TMOD1: variants seen among roughly 807,000 people sequenced by gnomAD.
TMOD1 encodes tropomodulin-1.
TMOD1 carries 17 observed loss-of-function variants against 40.6 expected under a neutral mutation model. The ratio of observed to expected loss-of-function variants is 0.42; its 90% CI spans 0.29 to 0.63. The LOEUF is 0.63. Among genes scored for constraint, TMOD1 ranks in the 20% least tolerant of loss-of-function variants. The probability of loss-of-function intolerance (pLI) is 0.22; values close to 1 mark genes in which losing one functional copy is unlikely to be tolerated. For missense variants in TMOD1, 391 were observed against 447.6 expected, an observed-to-expected ratio of 0.87 and a Z score of 1.14; for synonymous variants, 181 against 175.0, an observed-to-expected ratio of 1.03 and a Z score of -0.27.
intron 5 of TMOD1, 79 bp downstream of exon 5, chr9:97,562,900 G>A: frequency 8.2e-7 from 1 of 1,224,642 alleles, no homozygotes; most frequent in Admixed American, 2.5e-5. Context: ...GCTCATTGCA[G>A]AAGTTTTAAC....
At chr9:97,577,780 A>G (rs1825643355) in intron 8 of TMOD1, among the ~76,000 whole-genome samples, 1 of 152,214 alleles carries the variant, frequency 6.6e-6, no homozygotes, top group African/African-American at 2.4e-5. Context: ...AAAAAATAAC[A>G]TAAAATAAAA....
chr9:97,541,576 C>T (rs1336904983), intron 2 of TMOD1, among the ~76,000 whole-genome samples: 3 of 151,590 alleles, frequency 2.0e-5, no homozygotes, highest in African/African-American at 4.9e-5. Flanking sequence ...AGTCTAGCGG[C>T]GTGATCTCAG....
chr9:97,586,144 T>C (rs1825866190), intron 8 of TMOD1, among the ~76,000 whole-genome samples: 1 of 151,404 alleles, frequency 6.6e-6, no homozygotes, highest in African/African-American at 2.4e-5. Flanking sequence ...TTTTATCTAC[T>C]TTTGGTCTTT....
At chr9:97,590,275 G>A (rs1449734878) in intron 8 of TMOD1, among the ~76,000 whole-genome samples, 1 of 151,762 alleles carries the variant, frequency 6.6e-6, no homozygotes, top group Non-Finnish European at 1.5e-5. Context: ...CTGGGCTGGA[G>A]GGCAGTGGCA....
intron 2 of TMOD1, among the ~76,000 whole-genome samples, chr9:97,530,213 C>T (rs908029576): frequency 2.0e-5 from 3 of 152,174 alleles, no homozygotes; most frequent in Non-Finnish European, 4.4e-5. Context: ...GAAGAATCCA[C>T]CAACACAAGG....
intron 8 of TMOD1, among the ~76,000 whole-genome samples, chr9:97,588,294 T>C (rs1189636124): frequency 1.3e-5 from 2 of 152,214 alleles, no homozygotes; most frequent in Admixed American, 1.3e-4. Context: ...GTCATCTTGG[T>C]ATGTGTGAAG....
At chr9:97,514,992 T>A (rs1829780125) in intron 1 of TMOD1, among the ~76,000 whole-genome samples, 1 of 152,142 alleles carries the variant, frequency 6.6e-6, no homozygotes, top group African/African-American at 2.4e-5. Context: ...GTGGGCTTCT[T>A]GTGCAGTACA....
intron 1 of TMOD1, among the ~76,000 whole-genome samples, chr9:97,505,295 G>A (rs899483491): frequency 6.6e-6 from 1 of 152,208 alleles, no homozygotes; most frequent in Non-Finnish European, 1.5e-5. Flanking sequence ...GAAAGAGGGA[G>A]GGAGAGGGAG....
At chr9:97,526,406 A>G (rs140082332) in intron 2 of TMOD1, among the ~76,000 whole-genome samples, 46 of 152,324 alleles carry the variant, frequency 3.0e-4, no homozygotes, top group African/African-American at 1.0e-3. Flanking sequence ...GAGCATGGGC[A>G]TAGAGGGGTT....
chr9:97,591,845 T>C (rs1036991302), intron 9 of TMOD1, among the ~76,000 whole-genome samples: 8 of 152,154 alleles, frequency 5.3e-5, no homozygotes, highest in African/African-American at 1.7e-4. Flanking sequence ...TACCTTCCAA[T>C]AGGACTACCA....
chr9:97,588,136 T>C (rs568383049), intron 8 of TMOD1, among the ~76,000 whole-genome samples: 2 of 152,366 alleles, frequency 1.3e-5, no homozygotes, highest in East Asian at 3.9e-4. Flanking sequence ...CTGGGTCATA[T>C]GGTAGCTCTA....
intron 2 of TMOD1, among the ~76,000 whole-genome samples, chr9:97,527,384 C>T (rs1050235830): frequency 3.9e-5 from 6 of 152,226 alleles, no homozygotes; most frequent in African/African-American, 1.4e-4. Context: ...CTGGTGGGGA[C>T]ACAGGCATAA....
intron 8 of TMOD1, among the ~76,000 whole-genome samples, chr9:97,576,764 G>GCAC: frequency 6.6e-6 from 1 of 151,936 alleles, no homozygotes; most frequent in South Asian, 2.1e-4. Context: ...CTCCCGAGTA[G>GCAC]CTGGGACTAC....
rs533564274 is a variant in TMOD1 at position 97,502,047 on chromosome 9, G to A, written c.-49+244G>A. Among the ~76,000 whole-genome samples, 25 of 152,198 alleles carry A rather than the reference G, an allele frequency of 1.6e-4. No individual in the cohort carries two copies. Among genetic ancestry groups the A allele is most frequent in the Non-Finnish European group, 3.4e-4 (23 of 67,992 alleles). On this transcript the variant is annotated intron_variant, in intron 1 of 9. Transcript: ENST00000259365. This position sits in a 1 kb window ranked among gnomAD's most constrained non-coding sequence, Gnocchi z 6.1. ...CTCCCCGCGCGCGCAGCCCTGGCCAGGGCGCCCTCCGCTCTGGACCTCCGC... is the reference window on the plus strand; with the variant it reads ...CTCCCCGCGCGCGCAGCCCTGGCCAAGGCGCCCTCCGCTCTGGACCTCCGC...
intron 3 of TMOD1, among the ~76,000 whole-genome samples, chr9:97,548,528 G>A (rs182038320): frequency 9.0e-4 from 137 of 152,298 alleles, no homozygotes; most frequent in African/African-American, 2.8e-3. Flanking sequence ...CACCTAGCGA[G>A]GTGAGTCATT....
intron 3 of TMOD1, among the ~76,000 whole-genome samples, chr9:97,546,740 C>A (rs1830365788): frequency 6.6e-6 from 1 of 152,006 alleles, no homozygotes; most frequent in Non-Finnish European, 1.5e-5. Flanking sequence ...ACCAGCCTGG[C>A]CAACATGGCA....
intron 7 of TMOD1, among the ~76,000 whole-genome samples, chr9:97,568,571 A>T (rs554923666): frequency 2.0e-5 from 3 of 152,344 alleles, no homozygotes; most frequent in African/African-American, 7.2e-5. Context: ...GGGCAGAGAC[A>T]AAGTGGGAAA....
chr9:97,553,469 T>C (rs1830483931), intron 4 of TMOD1, 69 bp downstream of exon 4: 6 of 1,597,648 alleles, frequency 3.8e-6, no homozygotes, highest in South Asian at 1.1e-5. Context: ...GGGAGCCTTG[T>C]AGGGCTCATT....
intron 9 of TMOD1, among the ~76,000 whole-genome samples, chr9:97,593,949 A>G (rs1022695136): frequency 1.3e-5 from 2 of 152,086 alleles, no homozygotes; most frequent in Non-Finnish European, 2.9e-5. Flanking sequence ...CATTCCAAGC[A>G]GAGGGAACAG....
Sources: allele counts gnomAD v4.1 joint callset (sites outside exome capture counted in the v4.1 genomes callset), GRCh38; gene constraint gnomAD v4.1.1; non-coding constraint Gnocchi (gnomAD v3.1); transcripts MANE v1.5; gene names NCBI Gene and HGNC (gene_info 2026-07-23, HGNC 2026-07-21).